The following SMAD2 variants were observed in gnomAD, a reference collection of about 807,000 sequenced individuals.
The protein encoded by SMAD2 is SMAD family member 2.
SMAD2 carries 8 observed loss-of-function variants against 64.4 expected under a neutral mutation model. The ratio of observed to expected loss-of-function variants is 0.12; its 90% CI spans 0.07 to 0.22. The LOEUF (loss-of-function observed/expected upper bound fraction) is 0.22, where lower values mean the gene tolerates loss of function less well. SMAD2 is among the 10% of genes least tolerant of loss of function. SMAD2 has a pLI of 1.00. For synonymous variants in SMAD2, 203 were observed against 195.8 expected (o/e 1.04, Z -0.31); for missense variants, 289 against 561.2 (o/e 0.51, Z 4.90).
rs1268810497 is a variant in SMAD2 at position 47,819,207 on chromosome 18, T to C, written c.*22620A>G. 1 of 152,194 alleles carries C rather than the reference T, an allele frequency of 6.6e-6. No homozygotes were observed. Among genetic ancestry groups the C allele is most frequent in the African/African-American group, 2.4e-5 (1 of 41,442 alleles). 9.4% of individuals were successfully genotyped at this position (152,194 alleles called of 1,614,324 possible). A position where few individuals can be genotyped will look rare whatever the true frequency, so the allele number is the denominator to read the frequency against. On this transcript the variant is annotated 3_prime_UTR_variant, in exon 11 of 11. Transcript: ENST00000262160. ...AAATCAAAAATAAGTGTCTTTAAAA[T>C]TTTTGCCTGAATTTACTACTCAGTT...
intron 5 of SMAD2, 170 bp downstream of exon 5, chr18:47,868,153 T>C: frequency 1.6e-6 from 1 of 615,908 alleles, no homozygotes; most frequent in Non-Finnish European, 2.9e-6. Context: ...AACTGTTTAA[T>C]GTACTAGGCT....
At chr18:47,867,657 C>CAAAAAAAAAAAAAAAAAAAA (rs530649435) in intron 5 of SMAD2, among the ~76,000 whole-genome samples, 1 of 94,846 alleles carries the variant, frequency 1.1e-5, no homozygotes, top group Non-Finnish European at 2.2e-5. Flanking sequence ...AGTTGTTCTC[C>CAAAAAAAAAAAAAAAAAAAA]AAAAAAAAAA....
At chr18:47,880,110 C>G (rs1027655188) in intron 2 of SMAD2, among the ~76,000 whole-genome samples, 2 of 152,144 alleles carry the variant, frequency 1.3e-5, no homozygotes, top group African/African-American at 4.8e-5. Context: ...CCCACTCTGA[C>G]TTATTTTTTA....
rs1912147486 is a variant in SMAD2, at chr18:47,809,891, G to C, written c.*31936C>G. 6.6e-6 allele frequency: 1 copy of C among 152,148 alleles called. No homozygotes were observed. The highest frequency in any genetic ancestry group is 1.5e-5 in the Non-Finnish European group (1 of 68,030). The allele number at this position is 152,148 out of a possible 1,614,324, so 9.4% of individuals were successfully genotyped here. A position where few individuals can be genotyped will look rare whatever the true frequency, so the allele number is the denominator to read the frequency against. On this transcript the variant is annotated 3_prime_UTR_variant, in exon 11 of 11. Coordinates refer to ENST00000262160, the MANE Select transcript of SMAD2 (RefSeq NM_005901.6). ...CTGAGACATACTTGGATACAGAGTGGGGTGGACTCACTGAGAAACCTTTTA... is the reference window on the plus strand; with the variant it reads ...CTGAGACATACTTGGATACAGAGTGCGGTGGACTCACTGAGAAACCTTTTA...
chr18:47,881,084 C>T (rs1598825653), intron 2 of SMAD2, among the ~76,000 whole-genome samples: 1 of 106,476 alleles, frequency 9.4e-6, no homozygotes, highest in Non-Finnish European at 2.1e-5. Flanking sequence ...AGCTGTAAAA[C>T]AGAAAATTCG....
intron 1 of SMAD2, among the ~76,000 whole-genome samples, chr18:47,905,348 A>G (rs770509901): frequency 5.9e-5 from 9 of 152,246 alleles, no homozygotes; most frequent in Non-Finnish European, 1.2e-4. Context: ...TTGAAGATTC[A>G]TATTGCTTAA....
chr18:47,898,900 G>A (rs901389940), intron 1 of SMAD2, among the ~76,000 whole-genome samples: 5 of 124,592 alleles, frequency 4.0e-5, no homozygotes, highest in Non-Finnish European at 6.9e-5. Flanking sequence ...TTTTTTTTTT[G>A]CCTGTCTATT....
At chr18:47,914,043 T>G (rs889355480) in intron 1 of SMAD2, among the ~76,000 whole-genome samples, 1 of 152,240 alleles carries the variant, frequency 6.6e-6, no homozygotes, top group African/African-American at 2.4e-5. Flanking sequence ...CCTGAACTTG[T>G]AGTAAAGCCT....
intron 2 of SMAD2, among the ~76,000 whole-genome samples, chr18:47,881,689 T>C (rs1013960019): frequency 1.3e-5 from 2 of 152,190 alleles, no homozygotes; most frequent in Admixed American, 1.3e-4. Context: ...TATTTCATGA[T>C]TAAGTAAATC....
rs1912468520 is a variant in SMAD2, at chr18:47,818,964, T to G, written c.*22863A>C. On this transcript the variant is annotated 3_prime_UTR_variant, in exon 11 of 11. Transcript: ENST00000262160. ...GACTAAAATTCTAAAATGAAAGCTA[T>G]GTTTGTGTATGTGTATGTTTAGGTG... 6.6e-6 allele frequency: 1 copy of G among 152,264 alleles called. No homozygotes were observed. The highest frequency in any genetic ancestry group is 1.5e-5 in the Non-Finnish European group (1 of 68,042). The allele number at this position is 152,264 out of a possible 1,614,324, so 9.4% of individuals were successfully genotyped here.
At chr18:47,885,533 T>G (rs935820629) in intron 2 of SMAD2, among the ~76,000 whole-genome samples, 6 of 152,106 alleles carry the variant, frequency 3.9e-5, no homozygotes, top group African/African-American at 1.2e-4. Flanking sequence ...AAATATAAAA[T>G]ATAAGTACAT....
rs189896507 is a variant in SMAD2 at position 47,831,200 on chromosome 18, G to A, written c.*10627C>T. 8.5e-5 allele frequency: 13 copies of A among 152,316 alleles called. No individual in the cohort carries two copies. The East Asian group carries it at 2.3e-3, about 27-fold the overall frequency. 9.4% of individuals were successfully genotyped at this position (152,316 alleles called of 1,614,324 possible). A position where few individuals can be genotyped will look rare whatever the true frequency, so the allele number is the denominator to read the frequency against. On this transcript the variant is annotated 3_prime_UTR_variant, in exon 11 of 11. Transcript: ENST00000262160. ...CTTCATAGCAGAACCTACCAGGCTT[G>A]TGGTTATCAATTTTCTGCTCACCAT...
chr18:47,921,307 CA>C (rs2034549912), intron 1 of SMAD2, among the ~76,000 whole-genome samples: 1 of 152,164 alleles, frequency 6.6e-6, no homozygotes, highest in Non-Finnish European at 1.5e-5. Context: ...AATATACACA[CA>C]AAATTGTTCA....
chr18:47,860,321 G>A (rs767487365), intron 6 of SMAD2, among the ~76,000 whole-genome samples: 2 of 152,080 alleles, frequency 1.3e-5, no homozygotes, highest in African/African-American at 2.4e-5. Context: ...GCCCAGGCTG[G>A]AGTGCAGCGG....
Position 47,849,659 on chromosome 18 carries a change from G to T in SMAD2, c.785-972C>A, listed in dbSNP as rs542092440. Among the ~76,000 whole-genome samples the T allele has an allele frequency of 2.0e-5, 3 of 152,058 alleles. No homozygotes were observed. In the East Asian group the frequency reaches 5.8e-4, roughly 29 times the overall value. On this transcript the variant is annotated intron_variant, in intron 7 of 10. Coordinates refer to ENST00000262160, the MANE Select transcript of SMAD2 (RefSeq NM_005901.6). Reference sequence around the variant, plus strand: ...TCCTGTATACTTTAAATAATCTCTAGATTACTTATAATACCTAATAATATA... The same window carrying T: ...TCCTGTATACTTTAAATAATCTCTATATTACTTATAATACCTAATAATATA...
rs535315830 is a variant in SMAD2, at chr18:47,837,877, T to C, written c.*3950A>G. 9 of 232,770 alleles carry C rather than the reference T, an allele frequency of 3.9e-5. No individual in the cohort carries two copies. The South Asian group carries it at 5.4e-4, about 14-fold the overall frequency. The allele number at this position is 232,770 out of a possible 1,614,324, so 14.4% of individuals were successfully genotyped here. ...CAGCTTTTAAAGTAAAGACTGTACA[T>C]GAAGACATATTTTATGTACAGTGAA... On this transcript the variant is annotated 3_prime_UTR_variant, in exon 11 of 11. Coordinates refer to ENST00000262160, the MANE Select transcript of SMAD2 (RefSeq NM_005901.6).
At chr18:47,919,752 G>A (rs1166893651) in intron 1 of SMAD2, among the ~76,000 whole-genome samples, 2 of 152,106 alleles carry the variant, frequency 1.3e-5, no homozygotes, top group Non-Finnish European at 2.9e-5. Flanking sequence ...TAAATGGATG[G>A]GGGTGACTGA....
At chr18:47,921,500 T>C (rs2034558535) in intron 1 of SMAD2, among the ~76,000 whole-genome samples, 1 of 152,234 alleles carries the variant, frequency 6.6e-6, no homozygotes. Context: ...CAGCTGTAGA[T>C]GTTTTCATGT....
intron 4 of SMAD2, among the ~76,000 whole-genome samples, 164 bp downstream of exon 4, chr18:47,869,079 T>A (rs2031771129): frequency 6.6e-6 from 1 of 152,140 alleles, no homozygotes; most frequent in Admixed American, 6.5e-5. Flanking sequence ...TCATTAAAAA[T>A]TTTTAAAAAT....
Sources: allele counts gnomAD v4.1 joint callset (sites outside exome capture counted in the v4.1 genomes callset), GRCh38; gene constraint gnomAD v4.1.1; transcripts MANE v1.5; gene names NCBI Gene and HGNC (gene_info 2026-07-23, HGNC 2026-07-21).